Variants in C10orf67 observed in about 807,000 individuals in gnomAD.
C10orf67 encodes the protein uncharacterized protein C10orf67, mitochondrial.
Under a neutral mutation model 35.6 loss-of-function variants are expected in C10orf67, and 60 were observed. That is an observed-to-expected ratio of 1.68 (90% CI 1.37 to 2.09). The LOEUF (loss-of-function observed/expected upper bound fraction) is 2.09, where lower values mean the gene tolerates loss of function less well. Among genes scored for constraint, C10orf67 ranks in the 30% most tolerant of loss-of-function variants. C10orf67 has a pLI of 0.00. For synonymous variants in C10orf67, 167 were observed against 115.8 expected (o/e 1.44, Z -2.84); for missense variants, 474 against 330.2 (o/e 1.44, Z -3.38).
chr10:23,324,197 T>G (rs1433691542), intron 2 of C10orf67, among the ~76,000 whole-genome samples: 3 of 151,474 alleles, frequency 2.0e-5, no homozygotes, highest in Non-Finnish European at 4.4e-5. Context: ...AACTAACTCC[T>G]CTTCTTCCCT....
chr10:23,300,670 T>C (rs989118656), intron 5 of C10orf67, among the ~76,000 whole-genome samples: 9 of 152,212 alleles, frequency 5.9e-5, no homozygotes, highest in Admixed American at 4.6e-4. Flanking sequence ...GTGGACATCA[T>C]TGAATAATTC....
intron 8 of C10orf67, among the ~76,000 whole-genome samples, chr10:23,273,012 A>G (rs1843073205): frequency 6.6e-6 from 1 of 152,230 alleles, no homozygotes; most frequent in Non-Finnish European, 1.5e-5. Flanking sequence ...ATATAGAAGT[A>G]CAAGATTTTT....
intron 12 of C10orf67, among the ~76,000 whole-genome samples, chr10:23,245,365 A>C (rs2132148040): frequency 6.6e-6 from 1 of 152,330 alleles, no homozygotes; most frequent in South Asian, 2.1e-4. Flanking sequence ...AATAAGTAGG[A>C]TTATTTCAAA....
chr10:23,216,036 G>C (rs548382995), intron 15 of C10orf67, among the ~76,000 whole-genome samples: 6 of 151,978 alleles, frequency 3.9e-5, no homozygotes, highest in Non-Finnish European at 4.4e-5. Flanking sequence ...GTTAGAGAGA[G>C]AAACCAAAAA....
intron 2 of C10orf67, among the ~76,000 whole-genome samples, chr10:23,325,743 C>T (rs528526035): frequency 6.7e-6 from 1 of 149,190 alleles, no homozygotes; most frequent in Admixed American, 6.7e-5. Flanking sequence ...AAACCAATTC[C>T]AATATTACCA....
chr10:23,247,007 T>C (rs1842333552), intron 12 of C10orf67, among the ~76,000 whole-genome samples: 1 of 152,178 alleles, frequency 6.6e-6, no homozygotes. Flanking sequence ...TGTATAGCTG[T>C]ACAATATGTT....
At chr10:23,288,238 G>A (rs1843605681) in intron 7 of C10orf67, among the ~76,000 whole-genome samples, 1 of 152,200 alleles carries the variant, frequency 6.6e-6, no homozygotes, top group Non-Finnish European at 1.5e-5. Flanking sequence ...ATCAGTGATA[G>A]ACTGGATAAA....
At chr10:23,316,103 G>A (rs540592457) in intron 4 of C10orf67, among the ~76,000 whole-genome samples, 17 of 152,292 alleles carry the variant, frequency 1.1e-4, no homozygotes, top group African/African-American at 2.4e-4. Context: ...GGCTGTGCTC[G>A]GCTCATACTA....
chr10:23,225,365 G>A (rs1841706612), intron 13 of C10orf67, among the ~76,000 whole-genome samples: 1 of 152,120 alleles, frequency 6.6e-6, no homozygotes, highest in Admixed American at 6.6e-5. Flanking sequence ...AGCTCCTGAA[G>A]GAAGTGCTAA....
chr10:23,261,656 A>AT (rs1159980108), intron 10 of C10orf67, among the ~76,000 whole-genome samples: 2 of 152,166 alleles, frequency 1.3e-5, no homozygotes, highest in Admixed American at 1.3e-4. Context: ...GTGTACCTTT[A>AT]TTCCCTAATT....
At chr10:23,263,477 T>C (rs1588628392) in intron 10 of C10orf67, among the ~76,000 whole-genome samples, 1 of 152,198 alleles carries the variant, frequency 6.6e-6, no homozygotes, top group East Asian at 1.9e-4. Flanking sequence ...CTAACACTTC[T>C]TGAATGTTTA....
intron 15 of C10orf67, among the ~76,000 whole-genome samples, chr10:23,222,756 G>A (rs947644199): frequency 1.3e-5 from 2 of 152,118 alleles, no homozygotes; most frequent in African/African-American, 2.4e-5. Context: ...TGGGCAACAC[G>A]ACAAAATCTC....
chr10:23,220,992 C>A (rs966170201), intron 15 of C10orf67, among the ~76,000 whole-genome samples: 2 of 152,088 alleles, frequency 1.3e-5, no homozygotes, highest in African/African-American at 4.8e-5. Flanking sequence ...TGAAAGTGTT[C>A]GGTTGGGATC....
chr10:23,212,790 A>T (rs1201006756), intron 15 of C10orf67, among the ~76,000 whole-genome samples: 2 of 147,986 alleles, frequency 1.4e-5, no homozygotes, highest in East Asian at 3.9e-4. Context: ...AGAGAGAGAG[A>T]GAGAGAGAGA....
chr10:23,334,142 A>C (rs1486558805), intron 1 of C10orf67, among the ~76,000 whole-genome samples: 1 of 152,216 alleles, frequency 6.6e-6, no homozygotes, highest in Non-Finnish European at 1.5e-5. Flanking sequence ...ATAATTTTTT[A>C]AGACTACAGA....
At position 23,286,489 on chromosome 10, in the gene C10orf67, G is replaced by A. The variant is rs867737168; in HGVS notation, c.909+3411C>T. On this transcript the variant is annotated intron_variant, in intron 7 of 15. Coordinates refer to ENST00000636213, the MANE Select transcript of C10orf67 (RefSeq NM_001371909.1). ...GGAAGGGAAGCAAAGAAGGAAGGGA[G>A]GGAAGAAGGAAGGGAGGGAGGGGAG... 7.4e-3 allele frequency among the ~76,000 whole-genome samples: 624 copies of A among 84,164 alleles called. 7 individuals carry two copies. The highest frequency in any genetic ancestry group is 0.029 in the African/African-American group (590 of 20,486). The allele number at this position is 84,164 out of a possible 152,430, so 55.2% of individuals were successfully genotyped here.
At chr10:23,262,954 CATATT>C (rs1389089923) in intron 10 of C10orf67, among the ~76,000 whole-genome samples, 1 of 152,020 alleles carries the variant, frequency 6.6e-6, no homozygotes, top group Non-Finnish European at 1.5e-5. Context: ...TAGGGTTATC[CATATT>C]ATAAGACAAA....
chr10:23,286,327 G>A (rs1349686445), intron 7 of C10orf67, among the ~76,000 whole-genome samples: 1 of 138,718 alleles, frequency 7.2e-6, no homozygotes, highest in Non-Finnish European at 1.5e-5. Context: ...GAGGCTGGAT[G>A]TTTGAGGCTG....
At chr10:23,238,521 A>G (rs1842102353) in intron 13 of C10orf67, among the ~76,000 whole-genome samples, 1 of 152,196 alleles carries the variant, frequency 6.6e-6, no homozygotes, top group Non-Finnish European at 1.5e-5. Flanking sequence ...GTACTCAGGA[A>G]AAATACTGGA....
Sources: allele counts gnomAD v4.1 joint callset (sites outside exome capture counted in the v4.1 genomes callset), GRCh38; gene constraint gnomAD v4.1.1; transcripts MANE v1.5; gene names NCBI Gene and HGNC (gene_info 2026-07-23, HGNC 2026-07-21).